EBF1: variants seen among roughly 807,000 people sequenced by gnomAD.
EBF1 encodes transcription factor COE1.
A neutral mutation model predicts 68.4 loss-of-function variants in EBF1; 10 were observed. The observed-to-expected ratio is 0.15, with a 90% CI of 0.09 to 0.25. The LOEUF is 0.25. EBF1 is among the 10% of genes least tolerant of loss of function. The pLI is 1.00. For synonymous variants in EBF1, 298 were observed against 299.8 expected, an observed-to-expected ratio of 0.99 and a Z score of 0.06; for missense variants, 509 against 794.4, an observed-to-expected ratio of 0.64 and a Z score of 4.32.
At chr5:158,874,857 T>A (rs952254749) in intron 6 of EBF1, among the ~76,000 whole-genome samples, 1 of 151,926 alleles carries the variant, frequency 6.6e-6, no homozygotes, top group Admixed American at 6.6e-5. Flanking sequence ...GGCCTCAGAG[T>A]GTTTGGGATC....
intron 6 of EBF1, among the ~76,000 whole-genome samples, chr5:158,900,014 C>T (rs1280646316): frequency 6.6e-6 from 1 of 152,170 alleles, no homozygotes; most frequent in Non-Finnish European, 1.5e-5. Context: ...CTTCCAGCAG[C>T]AGCATCTGGC....
chr5:158,787,485 G>A (rs1777688916), intron 9 of EBF1, among the ~76,000 whole-genome samples: 1 of 151,926 alleles, frequency 6.6e-6, no homozygotes, highest in African/African-American at 2.4e-5. Context: ...TACTTTTTTG[G>A]CTTGCTTCTG....
At chr5:158,984,312 G>T (rs1384158953) in intron 6 of EBF1, among the ~76,000 whole-genome samples, 1 of 152,078 alleles carries the variant, frequency 6.6e-6, no homozygotes, top group African/African-American at 2.4e-5. Flanking sequence ...TATTCTCTAA[G>T]TTTCTCAAGT....
chr5:158,879,718 TAATAAA>T (rs995963290), intron 6 of EBF1, among the ~76,000 whole-genome samples: 1 of 152,006 alleles, frequency 6.6e-6, no homozygotes, highest in African/African-American at 2.4e-5. Flanking sequence ...ATAATAATAA[TAATAAA>T]AAGAAAAGTT....
At chr5:158,897,698 T>C (rs717564) in intron 6 of EBF1, among the ~76,000 whole-genome samples, 1,702 of 152,338 alleles carry the variant, frequency 0.011, 6 homozygotes, top group Non-Finnish European at 0.018. Context: ...CAGAATTTCA[T>C]AGAAGCCACC....
At chr5:158,794,127 C>A (rs1779189209) in intron 9 of EBF1, among the ~76,000 whole-genome samples, 1 of 152,070 alleles carries the variant, frequency 6.6e-6, no homozygotes, top group South Asian at 2.1e-4. Context: ...TAGCTACAAC[C>A]AAGAGCAGCA....
intron 6 of EBF1, among the ~76,000 whole-genome samples, chr5:159,010,228 A>G (rs1051183629): frequency 1.3e-5 from 2 of 152,344 alleles, no homozygotes; most frequent in East Asian, 3.9e-4. Flanking sequence ...GGAGATGAGT[A>G]GGAGGGTGGA....
intron 6 of EBF1, among the ~76,000 whole-genome samples, chr5:158,880,770 A>G (rs1216649777): frequency 1.3e-5 from 2 of 152,234 alleles, no homozygotes; most frequent in African/African-American, 2.4e-5. Context: ...AATCAACTTC[A>G]GAGCCCAGTT....
At chr5:159,043,091 A>C (rs1321643631) in intron 6 of EBF1, among the ~76,000 whole-genome samples, 1 of 152,210 alleles carries the variant, frequency 6.6e-6, no homozygotes, top group Non-Finnish European at 1.5e-5. Context: ...TGTTTCAACA[A>C]CACCAAGCAA....
chr5:158,962,360 G>A (rs1818342119), intron 6 of EBF1, among the ~76,000 whole-genome samples: 1 of 152,124 alleles, frequency 6.6e-6, no homozygotes, highest in Admixed American at 6.6e-5. Context: ...CTGCCAAGAG[G>A]CTGGGGACCG....
intron 8 of EBF1, among the ~76,000 whole-genome samples, chr5:158,809,512 T>G (rs1782207307): frequency 6.6e-6 from 1 of 152,186 alleles, no homozygotes; most frequent in Non-Finnish European, 1.5e-5. Flanking sequence ...GGTGGATATT[T>G]ATTAACTTTA....
intron 10 of EBF1, among the ~76,000 whole-genome samples, chr5:158,734,418 A>G (rs940390305): frequency 5.3e-5 from 8 of 152,226 alleles, no homozygotes; most frequent in African/African-American, 1.9e-4. Context: ...AGGTTATTAC[A>G]GACCATAAGA....
chr5:158,984,264 C>T (rs531172845), intron 6 of EBF1, among the ~76,000 whole-genome samples: 3 of 152,142 alleles, frequency 2.0e-5, no homozygotes, highest in Non-Finnish European at 4.4e-5. Context: ...AAATTGATTT[C>T]TATGGTGCTG....
intron 6 of EBF1, among the ~76,000 whole-genome samples, chr5:158,954,119 A>G (rs1200948206): frequency 6.6e-6 from 1 of 152,198 alleles, no homozygotes; most frequent in Non-Finnish European, 1.5e-5. Flanking sequence ...TACACGATTA[A>G]CCATCATTTT....
intron 9 of EBF1, among the ~76,000 whole-genome samples, chr5:158,783,982 GT>G (rs1321239196): frequency 6.6e-6 from 1 of 152,176 alleles, no homozygotes; most frequent in African/African-American, 2.4e-5. Flanking sequence ...AGTATCTAGT[GT>G]TTAAAAATAT....
At chr5:159,068,773 T>C (rs1025655797) in intron 6 of EBF1, among the ~76,000 whole-genome samples, 1 of 152,136 alleles carries the variant, frequency 6.6e-6, no homozygotes, top group Non-Finnish European at 1.5e-5. Flanking sequence ...ATGGAAGTGA[T>C]CTAGATGTGG....
intron 6 of EBF1, among the ~76,000 whole-genome samples, chr5:158,855,170 T>C (rs1793728980): frequency 6.6e-6 from 1 of 152,230 alleles, no homozygotes; most frequent in Non-Finnish European, 1.5e-5. Flanking sequence ...AACTTCCTTG[T>C]ATCAAAAACA....
At chr5:158,973,332 A>G (rs924638076) in intron 6 of EBF1, among the ~76,000 whole-genome samples, 1 of 150,878 alleles carries the variant, frequency 6.6e-6, no homozygotes, top group African/African-American at 2.4e-5. Context: ...TTCTCTCTTC[A>G]TCCCCTATTT....
chr5:159,099,734 A>G lies in EBF1; in HGVS notation c.-256T>C, dbSNP rs1379222074. ...GGGAAAATCCAACGAAAAGACCAAA[A>G]TAATAAAATTAGAGATGTATGCTTG... On this transcript the variant is annotated 5_prime_UTR_variant, in exon 1 of 16. Coordinates refer to ENST00000313708, the MANE Select transcript of EBF1 (RefSeq NM_024007.5). The G allele has an allele frequency of 3.3e-6, 1 of 300,770 alleles. No homozygotes were observed. Among genetic ancestry groups the G allele is most frequent in the African/African-American group, 2.2e-5 (1 of 46,056 alleles). The allele number at this position is 300,770 out of a possible 1,614,324, so 18.6% of individuals were successfully genotyped here. A position where few individuals can be genotyped will look rare whatever the true frequency, so the allele number is the denominator to read the frequency against.
Sources: gnomAD v4.1 joint callset for allele counts (sites outside exome capture counted in the v4.1 genomes callset) on GRCh38, gnomAD v4.1.1 for gene constraint, MANE v1.5 for transcripts, NCBI Gene and HGNC (gene_info 2026-07-23, HGNC 2026-07-21) for gene names.